The following ACACA variants were observed in gnomAD, a reference collection of about 807,000 sequenced individuals.
The protein encoded by ACACA is acetyl-CoA carboxylase 1.
A neutral mutation model predicts 296.1 loss-of-function variants in ACACA; 103 were observed. The ratio of observed to expected loss-of-function variants is 0.35; its 90% confidence interval spans 0.30 to 0.41. The LOEUF (loss-of-function observed/expected upper bound fraction) is 0.41, where lower values mean the gene tolerates loss of function less well. Among genes scored for constraint, ACACA ranks in the 10% least tolerant of loss-of-function variants. The pLI is 1.00. For missense variants in ACACA, 1,554 were observed against 2,989.7 expected (o/e 0.52, Z 11.20); for synonymous variants, 953 against 1,038.6 (o/e 0.92, Z 1.58).
chr17:37,113,050 C>A lies in ACACA; in HGVS notation c.6452+38G>T. 1 of 1,612,744 alleles carries A rather than the reference C, an allele frequency of 6.2e-7. No individual in the cohort carries two copies. The highest frequency in any genetic ancestry group is 8.5e-7 in the Non-Finnish European group (1 of 1,179,414). On this transcript the variant is annotated intron_variant, in intron 51 of 55. Coordinates refer to ENST00000616317, the MANE Select transcript of ACACA (RefSeq NM_198834.3). The surrounding 1 kb of genome is among the most constrained non-coding windows in gnomAD (Gnocchi z 4.0). ...GGAGGAAACCAACAGCTACAGGGTC[C>A]CTAAAGGCAGTGAATGGAAATGTGG... is the stretch of plus-strand genomic sequence containing the variant.
chr17:37,359,078 G>C, intron 1 of ACACA: 1 of 985,918 alleles, frequency 1.0e-6, no homozygotes. Flanking sequence ...AGACGCCGGC[G>C]GCTCGGGCGA....
At position 37,374,289 on chromosome 17, in the gene ACACA, CT is replaced by C. The variant is rs754001129; in HGVS notation, c.38+31972del. On this transcript the variant is annotated intron_variant, in intron 1 of 55. Transcript: ENST00000616317. ...ATCTTTATTCTCTTTTTTTTCTTTT[CT>C]TTTTTTTTTTTTTGAGACGGAGTTT... Among the ~76,000 whole-genome samples the C allele has an allele frequency of 1.0e-2, 1,396 of 140,026 alleles. 3 individuals carry two copies. The highest frequency in any genetic ancestry group is 0.015 in the Non-Finnish European group (951 of 63,860). 91.9% of individuals were successfully genotyped at this position (140,026 alleles called of 152,430 possible). A position where few individuals can be genotyped will look rare whatever the true frequency, so the allele number is the denominator to read the frequency against.
At position 37,225,054 on chromosome 17, in the gene ACACA, C is replaced by G. The variant is rs1429175044; in HGVS notation, c.3412G>C (p.Glu1138Gln). Residue 1138 changes from glutamate (E) to glutamine (Q), a missense_variant, in exon 27 of 56, where the codon GAG (glutamate) becomes CAG (glutamine). This residue lies in a region of ACACA where 42 missense variants were observed against 147.5 expected (regional missense o/e 0.28). Coordinates refer to ENST00000616317, the MANE Select transcript of ACACA (RefSeq NM_198834.3). ...PSYELRHNQVESIFLSAIDMY... is the reference protein window; with the variant it reads ...PSYELRHNQVQSIFLSAIDMY... The stretch of plus-strand genomic sequence containing the variant: ...TCAATAGCTGATAGGAAGATAGACT[C>G]TACTTGGTTATGGCGAAGCTCATAT... The G allele has an allele frequency of 6.2e-7, 1 of 1,613,330 alleles. No individual in the cohort carries two copies. The highest frequency in any genetic ancestry group is 1.1e-5 in the South Asian group (1 of 91,030).
chr17:37,154,665 T>C (rs1288259516), intron 43 of ACACA, among the ~76,000 whole-genome samples: 2 of 152,026 alleles, frequency 1.3e-5, no homozygotes, highest in South Asian at 2.1e-4. Flanking sequence ...CCCGGCTAAT[T>C]TGTATATTTT....
At chr17:37,151,822 C>T (rs954402560) in intron 43 of ACACA, among the ~76,000 whole-genome samples, 13 of 152,226 alleles carry the variant, frequency 8.5e-5, no homozygotes, top group South Asian at 2.1e-4. Context: ...CCACCACGCC[C>T]GGCTAATTTT....
chr17:37,212,124 T>TA (rs1315473484), intron 29 of ACACA, among the ~76,000 whole-genome samples: 2 of 152,230 alleles, frequency 1.3e-5, no homozygotes, highest in Non-Finnish European at 2.9e-5. Flanking sequence ...GAGAGAACTC[T>TA]ACAACCAAAG....
At chr17:37,348,536 C>T (rs1289568207) in intron 1 of ACACA, among the ~76,000 whole-genome samples, 2 of 152,042 alleles carry the variant, frequency 1.3e-5, no homozygotes, top group Non-Finnish European at 1.5e-5. Flanking sequence ...CTTCAAAATT[C>T]TGAAGGAAAA....
chr17:37,102,700 G>A (rs1459558398), intron 52 of ACACA, among the ~76,000 whole-genome samples: 24 of 152,272 alleles, frequency 1.6e-4, no homozygotes, highest in Admixed American at 1.6e-3. Context: ...CTGCAGAAGA[G>A]GGAGCAGCTA....
intron 55 of ACACA, among the ~76,000 whole-genome samples, chr17:37,088,068 C>T (rs764842091): frequency 6.6e-6 from 1 of 152,208 alleles, no homozygotes; most frequent in African/African-American, 2.4e-5. Flanking sequence ...AGATAAACAG[C>T]ATGTGCCCCC....
At chr17:37,339,436 A>G (rs572896939) in intron 2 of ACACA, among the ~76,000 whole-genome samples, 2 of 152,226 alleles carry the variant, frequency 1.3e-5, no homozygotes. Context: ...CATAGATTGG[A>G]GGCAACTCAG....
chr17:37,202,692 TATATATATATATATATATATACAC>T lies in ACACA; in HGVS notation c.4057-2233_4057-2210del, dbSNP rs1318348517. Among the ~76,000 whole-genome samples, 74 of 17,088 alleles carry T rather than the reference TATATATATATATATATATATACAC, an allele frequency of 4.3e-3. 1 individual carries two copies. In the East Asian group the frequency reaches 0.068, roughly 16 times the overall value. The allele number at this position is 17,088 out of a possible 152,430, so 11.2% of individuals were successfully genotyped here. ...TCATATATATATATATATATATATA[TATATATATATATATATATATACAC>T]ACACACATATATTTTAACAAGGAGA... On this transcript the variant is annotated intron_variant, in intron 33 of 55. Transcript: ENST00000616317.
chr17:37,146,671 G>T (rs528242267), intron 45 of ACACA, among the ~76,000 whole-genome samples: 1 of 128,496 alleles, frequency 7.8e-6, no homozygotes, highest in East Asian at 2.4e-4. Context: ...GGGGGGGAAG[G>T]GGGGGGCAGA....
intron 1 of ACACA, among the ~76,000 whole-genome samples, chr17:37,404,798 G>A (rs905497523): frequency 2.0e-5 from 3 of 151,742 alleles, no homozygotes; most frequent in Non-Finnish European, 4.4e-5. Flanking sequence ...GGCTGGTCTC[G>A]AACTTCTAAC....
At position 37,244,681 on chromosome 17, in the gene ACACA, G is replaced by A; in HGVS notation, c.2649C>T (p.Gly883=). 10 of 1,614,122 alleles carry A rather than the reference G, an allele frequency of 6.2e-6. No homozygotes were observed. The highest frequency in any genetic ancestry group is 7.6e-6 in the Non-Finnish European group (9 of 1,180,016). The part of the protein sequence containing the change: ...LPRIQSTALR[G]EKLHRVFHYV... ...AATGGAACACTCGATGGAGTTTCTC[G>A]CCTCTGAGTGCCGTGCTCTGGATCC... The change falls in exon 21 of 56, where the codon GGC becomes GGT. Residue 883 remains glycine (G), a synonymous_variant. Transcript: ENST00000616317.
At chr17:37,186,954 T>G (rs980655164) in intron 39 of ACACA, among the ~76,000 whole-genome samples, 5 of 152,004 alleles carry the variant, frequency 3.3e-5, no homozygotes, top group Admixed American at 6.6e-5. Context: ...TCAAAAACAT[T>G]AAAATCTCAA....
At chr17:37,101,110 A>G (rs2073342062) in intron 52 of ACACA, among the ~76,000 whole-genome samples, 1 of 151,962 alleles carries the variant, frequency 6.6e-6, no homozygotes. Flanking sequence ...AAAAAAGGCA[A>G]GAGGTCCACA....
At chr17:37,206,150 C>T (rs918755599) in intron 32 of ACACA, among the ~76,000 whole-genome samples, 2 of 151,616 alleles carry the variant, frequency 1.3e-5, no homozygotes, top group Non-Finnish European at 2.9e-5. Context: ...ATCACTATGT[C>T]TCACCTTTTT....
In ACACA at chr17:37,181,198, T is replaced by C. The variant is rs1417091010; in HGVS notation, c.4932+3A>G. ...TGTCAGACCCTCCAGTTAGGCATCT[T>C]ACCTGCCGAAACATCTCTGGGATAT... On this transcript the variant is annotated splice_donor_region_variant and intron_variant, in intron 40 of 55. Transcript: ENST00000616317. 6.2e-7 allele frequency: 1 copy of C among 1,614,130 alleles called. No homozygotes were observed. Among genetic ancestry groups the C allele is most frequent in the Non-Finnish European group, 8.5e-7 (1 of 1,179,988 alleles).
intron 16 of ACACA, among the ~76,000 whole-genome samples, chr17:37,249,960 G>A (rs1008593090): frequency 2.0e-5 from 3 of 152,138 alleles, no homozygotes; most frequent in Middle Eastern, 3.2e-3. Context: ...TTTATAAGGG[G>A]AAACCCCTTT....
Sources: gnomAD v4.1 joint callset for allele counts (sites outside exome capture counted in the v4.1 genomes callset) on GRCh38, gnomAD v4.1.1 for gene constraint, gnomAD v4.1.1 regional missense constraint, Gnocchi (gnomAD v3.1) non-coding constraint, MANE v1.5 for transcripts, NCBI Gene and HGNC (gene_info 2026-07-23, HGNC 2026-07-21) for gene names.